Variants in ZNF487 observed in about 807,000 individuals in gnomAD.
The protein encoded by ZNF487 is zinc finger protein 487.
In ZNF487, 4 loss-of-function variants were observed where a neutral mutation model predicts 3.0. The observed-to-expected ratio is 1.35, with a 90% CI of 0.66 to 3.08. The LOEUF (loss-of-function observed/expected upper bound fraction) is 3.08. Among genes scored for constraint, ZNF487 ranks in the 30% most tolerant of loss-of-function variants. The pLI, the probability that ZNF487 is intolerant of heterozygous loss-of-function variation, is 0.01. For synonymous variants in ZNF487, 55 were observed against 34.6 expected, an observed-to-expected ratio of 1.59 and a Z score of -2.06; for missense variants, 146 against 98.7, an observed-to-expected ratio of 1.48 and a Z score of -2.03.
intron 1 of ZNF487, among the ~76,000 whole-genome samples, chr10:43,473,569 A>G (rs1840981952): frequency 6.6e-6 from 1 of 150,960 alleles, no homozygotes; most frequent in Admixed American, 6.6e-5. Flanking sequence ...CCCAGGCTGG[A>G]GTGCAGTGGC....
chr10:43,516,978 A>G, the ZNF487 span, among the ~76,000 whole-genome samples: 1 of 152,212 alleles, frequency 6.6e-6, no homozygotes, highest in Non-Finnish European at 1.5e-5. Context: ...CAGGTTATCC[A>G]TGGGGTACCG....
At chr10:43,468,988 CAAAAAAAAA>C (rs59076073) in intron 1 of ZNF487, among the ~76,000 whole-genome samples, 2 of 60,924 alleles carry the variant, frequency 3.3e-5, no homozygotes, top group African/African-American at 1.4e-4. Flanking sequence ...GACTCTATCT[CAAAAAAAAA>C]AAAAAAAAAA....
chr10:43,478,155 C>T (rs948277460), intron 3 of ZNF487, among the ~76,000 whole-genome samples: 12 of 152,168 alleles, frequency 7.9e-5, no homozygotes, highest in African/African-American at 2.9e-4. Flanking sequence ...TGCAGTGGCT[C>T]ACTGCTGTAA....
chr10:43,443,221 C>T (rs555290712), intron 1 of ZNF487, among the ~76,000 whole-genome samples: 2 of 151,826 alleles, frequency 1.3e-5, no homozygotes, highest in East Asian at 1.9e-4. Flanking sequence ...CGCCACCACG[C>T]CTGGCTAATT....
downstream of ZNF487, among the ~76,000 whole-genome samples, chr10:43,484,009 C>T (rs1216577726): frequency 2.0e-5 from 3 of 152,050 alleles, no homozygotes; most frequent in Non-Finnish European, 4.4e-5. Flanking sequence ...GCTGGGATTA[C>T]AGGTGTGTGC....
intron 3 of ZNF487, among the ~76,000 whole-genome samples, chr10:43,480,640 G>A (rs891966429): frequency 5.3e-5 from 8 of 151,072 alleles, no homozygotes; most frequent in Admixed American, 2.0e-4. Flanking sequence ...GGTCTGGAAC[G>A]CTTGACTTCA....
intron 1 of ZNF487, among the ~76,000 whole-genome samples, chr10:43,437,793 C>T (rs80264378): frequency 0.09 from 13,689 of 152,096 alleles, 728 homozygotes; most frequent in South Asian, 0.14. Context: ...GGCAGCTCTT[C>T]ACTGTGTTCT....
At chr10:43,464,182 CTTTTTTTTTTT>C (rs113898079) in intron 1 of ZNF487, among the ~76,000 whole-genome samples, 1 of 140,050 alleles carries the variant, frequency 7.1e-6, no homozygotes, top group African/African-American at 2.6e-5. Flanking sequence ...CTTTTTTTTT[CTTTTTTTTTTT>C]TTTGTTTTGA....
At chr10:43,455,389 T>C (rs555766585) in intron 1 of ZNF487, among the ~76,000 whole-genome samples, 5 of 152,308 alleles carry the variant, frequency 3.3e-5, no homozygotes, top group East Asian at 1.9e-4. Flanking sequence ...CACCATCCCA[T>C]TGGCATCGTG....
chr10:43,517,894 G>A, the ZNF487 span, among the ~76,000 whole-genome samples: 1 of 152,284 alleles, frequency 6.6e-6, no homozygotes, highest in East Asian at 1.9e-4. Flanking sequence ...AGAAATAGGA[G>A]TTTCTAGACT....
intron 1 of ZNF487, among the ~76,000 whole-genome samples, chr10:43,444,926 A>G (rs1467549513): frequency 6.6e-6 from 1 of 152,046 alleles, no homozygotes; most frequent in Non-Finnish European, 1.5e-5. Flanking sequence ...CATCTCTTTG[A>G]ATATTTTTTA....
intron 1 of ZNF487, among the ~76,000 whole-genome samples, chr10:43,446,489 CG>C (rs1015647576): frequency 6.7e-6 from 1 of 148,634 alleles, no homozygotes; most frequent in Non-Finnish European, 1.5e-5. Flanking sequence ...GGGTGGTGGC[CG>C]GGCAGAGGCG....
intron 1 of ZNF487, among the ~76,000 whole-genome samples, chr10:43,462,768 CT>C (rs1324371203): frequency 7.9e-5 from 11 of 139,582 alleles, no homozygotes; most frequent in African/African-American, 1.1e-4. Flanking sequence ...TTTTTTCTTT[CT>C]TTTTTTTTTT....
chr10:43,438,855 A>AGG (rs1839475992), intron 1 of ZNF487, among the ~76,000 whole-genome samples: 1 of 151,910 alleles, frequency 6.6e-6, no homozygotes. Flanking sequence ...CCAAGGTGGG[A>AGG]GGATTGCTTG....
At chr10:43,510,151 A>G in the ZNF487 span, among the ~76,000 whole-genome samples, 1 of 152,212 alleles carries the variant, frequency 6.6e-6, no homozygotes, top group African/African-American at 2.4e-5. Context: ...ATGCACAAAC[A>G]TGTTCTTAAC....
chr10:43,466,375 TTTTTG>T lies in ZNF487; in HGVS notation c.-93-9341_-93-9337del, dbSNP rs368634141. ...TTTGTTTATAGCATGGTTTACTGAA[TTTTTG>T]TTTTCTTTTCTTTTTTTCTTTCTTT... is the stretch of plus-strand genomic sequence containing the variant. On this transcript the variant is annotated intron_variant, in intron 1 of 3. Transcript: ENST00000437590. 1.1e-3 allele frequency among the ~76,000 whole-genome samples: 165 copies of T among 151,942 alleles called. 1 individual carries two copies. The highest frequency in any genetic ancestry group is 3.4e-3 in the Middle Eastern group (1 of 294).
intron 1 of ZNF487, among the ~76,000 whole-genome samples, chr10:43,464,679 A>G (rs1162585060): frequency 2.0e-5 from 3 of 152,216 alleles, no homozygotes; most frequent in Non-Finnish European, 4.4e-5. Flanking sequence ...CAGAGAGCAC[A>G]GGGTTGGGGG....
chr10:43,464,343 C>T (rs931102151), intron 1 of ZNF487, among the ~76,000 whole-genome samples: 8 of 151,434 alleles, frequency 5.3e-5, no homozygotes, highest in Non-Finnish European at 7.4e-5. Flanking sequence ...CCACCATGCC[C>T]GGCTAATTGT....
chr10:43,517,790 G>A, the ZNF487 span, among the ~76,000 whole-genome samples: 1 of 152,166 alleles, frequency 6.6e-6, no homozygotes, highest in Non-Finnish European at 1.5e-5. Context: ...ATCTGTGGGA[G>A]GGGTGGCTTT....
Sources: allele counts gnomAD v4.1 joint callset (sites outside exome capture counted in the v4.1 genomes callset), GRCh38; gene constraint gnomAD v4.1.1; transcripts MANE v1.5; gene names NCBI Gene and HGNC (gene_info 2026-07-23, HGNC 2026-07-21).